HPSE2: variants seen among roughly 807,000 people sequenced by gnomAD.
HPSE2 encodes heparanase 2 (inactive), also known as inactive heparanase-2.
A neutral mutation model predicts 60.5 loss-of-function variants in HPSE2; 38 were observed. The ratio of observed to expected loss-of-function variants is 0.63; its 90% CI spans 0.48 to 0.82. The LOEUF is 0.82. Among genes scored for constraint, HPSE2 ranks in the 40% least tolerant of loss-of-function variants. The pLI is 0.00. For synonymous variants in HPSE2, 295 were observed against 293.2 expected (o/e 1.01, Z -0.06); for missense variants, 713 against 740.4 (o/e 0.96, Z 0.43).
At chr10:98,631,259 C>T (rs1201775615) in intron 7 of HPSE2, among the ~76,000 whole-genome samples, 1 of 151,842 alleles carries the variant, frequency 6.6e-6, no homozygotes, top group Non-Finnish European at 1.5e-5. Flanking sequence ...AATGTAATTG[C>T]AACAAAACAT....
At chr10:98,505,064 G>T (rs1942156186) in intron 9 of HPSE2, among the ~76,000 whole-genome samples, 1 of 151,962 alleles carries the variant, frequency 6.6e-6, no homozygotes, top group Admixed American at 6.6e-5. Context: ...ATACTTCTTT[G>T]TGTGAACATC....
At chr10:99,019,790 A>G (rs1247240137) in intron 3 of HPSE2, among the ~76,000 whole-genome samples, 1 of 151,172 alleles carries the variant, frequency 6.6e-6, no homozygotes, top group African/African-American at 2.4e-5. Flanking sequence ...GCTCACTGCA[A>G]CCTCTGCCCC....
chr10:98,616,705 T>C (rs1410195690), intron 8 of HPSE2, among the ~76,000 whole-genome samples: 1 of 152,186 alleles, frequency 6.6e-6, no homozygotes, highest in Non-Finnish European at 1.5e-5. Context: ...ACAAAAGTTT[T>C]AAATCAAAAG....
the HPSE2 span, among the ~76,000 whole-genome samples, chr10:99,269,524 C>T: frequency 6.6e-6 from 1 of 152,204 alleles, no homozygotes; most frequent in East Asian, 1.9e-4. Context: ...TTCAATACTC[C>T]ACTAACAGCA....
intron 3 of HPSE2, among the ~76,000 whole-genome samples, chr10:98,778,657 C>A (rs1317001944): frequency 6.6e-6 from 1 of 152,084 alleles, no homozygotes; most frequent in East Asian, 1.9e-4. Context: ...AAAATGGATG[C>A]CGAGGCAATG....
intron 3 of HPSE2, among the ~76,000 whole-genome samples, chr10:99,010,293 T>C (rs896826878): frequency 1.3e-5 from 2 of 152,192 alleles, no homozygotes; most frequent in African/African-American, 4.8e-5. Flanking sequence ...AAATAAAACA[T>C]ACTTGGGGAA....
At chr10:99,150,740 C>T (rs1439036928) in intron 2 of HPSE2, among the ~76,000 whole-genome samples, 1 of 152,166 alleles carries the variant, frequency 6.6e-6, no homozygotes, top group Admixed American at 6.5e-5. Flanking sequence ...GGAGCCCCAA[C>T]ATAGGCTAAG....
chr10:98,585,773 G>A (rs1330329208), intron 9 of HPSE2, among the ~76,000 whole-genome samples: 1 of 151,020 alleles, frequency 6.6e-6, no homozygotes, highest in Non-Finnish European at 1.5e-5. Flanking sequence ...CCAACGTGGT[G>A]AAACCCTGTC....
At chr10:98,971,304 C>T (rs946231767) in intron 3 of HPSE2, among the ~76,000 whole-genome samples, 2 of 152,092 alleles carry the variant, frequency 1.3e-5, no homozygotes, top group South Asian at 2.1e-4. Context: ...ACATTGTTAA[C>T]ATCATTTTTA....
intron 9 of HPSE2, among the ~76,000 whole-genome samples, chr10:98,535,639 T>G (rs1943259713): frequency 6.6e-6 from 1 of 152,216 alleles, no homozygotes; most frequent in Admixed American, 6.5e-5. Flanking sequence ...GACATGATTC[T>G]TTAAAGATAA....
chr10:99,201,046 C>T (rs1371444190), intron 2 of HPSE2, among the ~76,000 whole-genome samples: 1 of 152,114 alleles, frequency 6.6e-6, no homozygotes, highest in Non-Finnish European at 1.5e-5. Context: ...GCTGATTTGA[C>T]AGAGCCAAAA....
chr10:98,536,732 A>C (rs1183270927), intron 9 of HPSE2, among the ~76,000 whole-genome samples: 1 of 152,170 alleles, frequency 6.6e-6, no homozygotes, highest in Non-Finnish European at 1.5e-5. Context: ...CACACATGCC[A>C]CAAATGCTTC....
At chr10:98,611,466 G>A (rs1437506993) in intron 9 of HPSE2, among the ~76,000 whole-genome samples, 2 of 152,076 alleles carry the variant, frequency 1.3e-5, no homozygotes, top group African/African-American at 2.4e-5. Flanking sequence ...ACTAGTTTTG[G>A]GAGGCAAAAT....
intron 11 of HPSE2, among the ~76,000 whole-genome samples, chr10:98,473,579 G>A (rs1053854913): frequency 2.0e-5 from 3 of 151,520 alleles, no homozygotes; most frequent in Admixed American, 6.6e-5. Context: ...TTAATCCTGT[G>A]AGATAAAATT....
Position 98,681,742 on chromosome 10 carries a change from C to T in HPSE2, c.1004+12158G>A, listed in dbSNP as rs570920090. Among the ~76,000 whole-genome samples the T allele has an allele frequency of 8.5e-5, 13 of 152,146 alleles. No individual in the cohort carries two copies. The East Asian group carries it at 1.2e-3, about 14-fold the overall frequency. On this transcript the variant is annotated intron_variant, in intron 6 of 11. Coordinates refer to ENST00000370552, the MANE Select transcript of HPSE2 (RefSeq NM_021828.5). ...AGAATGCAAAAGATATGGGAATCCA[C>T]GTGTCTTCAATTAAGTCAGATATTG...
intron 3 of HPSE2, among the ~76,000 whole-genome samples, chr10:99,075,677 C>T (rs958311991): frequency 1.3e-5 from 2 of 151,842 alleles, no homozygotes; most frequent in Non-Finnish European, 2.9e-5. Flanking sequence ...TCAATTCTGT[C>T]GATGTTTGTT....
intron 10 of HPSE2, among the ~76,000 whole-genome samples, chr10:98,488,286 G>A (rs534396989): frequency 6.6e-6 from 1 of 152,194 alleles, no homozygotes; most frequent in African/African-American, 2.4e-5. Flanking sequence ...TAATATCAAA[G>A]GGGAAGAAAG....
At chr10:98,951,039 A>G (rs1222143311) in intron 3 of HPSE2, among the ~76,000 whole-genome samples, 14 of 152,124 alleles carry the variant, frequency 9.2e-5, no homozygotes, top group Non-Finnish European at 1.9e-4. Context: ...ACAAGTGACA[A>G]AAAAAAGTGG....
At chr10:98,902,273 G>T (rs535153562) in intron 3 of HPSE2, among the ~76,000 whole-genome samples, 1 of 152,148 alleles carries the variant, frequency 6.6e-6, no homozygotes, top group African/African-American at 2.4e-5. Flanking sequence ...ACTGAAGAAA[G>T]AAGTGAGAAT....
Sources: allele counts gnomAD v4.1 joint callset (sites outside exome capture counted in the v4.1 genomes callset), GRCh38; gene constraint gnomAD v4.1.1; transcripts MANE v1.5; gene names NCBI Gene and HGNC (gene_info 2026-07-23, HGNC 2026-07-21).